The following ZFHX3 variants were observed in gnomAD, a reference collection of about 807,000 sequenced individuals.
ZFHX3 encodes the protein zinc finger homeobox protein 3.
ZFHX3 carries 42 observed loss-of-function variants against 279.1 expected under a neutral mutation model. The observed-to-expected ratio is 0.15, with a 90% confidence interval of 0.12 to 0.19. The LOEUF is 0.19. Ranked by LOEUF, ZFHX3 falls within the 10% of genes least tolerant of loss-of-function variation. The pLI is 1.00. For missense variants in ZFHX3, 4,981 were observed against 4,754.0 expected (o/e 1.05, Z -1.40); for synonymous variants, 2,293 against 1,957.8 (o/e 1.17, Z -4.52).
intron 3 of ZFHX3, among the ~76,000 whole-genome samples, chr16:73,448,558 A>G (rs1267778721): frequency 6.6e-6 from 1 of 152,160 alleles, no homozygotes; most frequent in Admixed American, 6.5e-5. Flanking sequence ...AGGAAAAGAT[A>G]AAAAATAAGG....
chr16:73,631,923 TCTCTCACA>T (rs913297808), intron 2 of ZFHX3, among the ~76,000 whole-genome samples: 2 of 101,908 alleles, frequency 2.0e-5, no homozygotes, highest in African/African-American at 6.7e-5. Context: ...TCTCTCTCTC[TCTCTCACA>T]CACACACACA....
intron 3 of ZFHX3, among the ~76,000 whole-genome samples, chr16:72,937,363 G>C (rs1960178977): frequency 2.0e-5 from 3 of 152,228 alleles, no homozygotes; most frequent in East Asian, 1.9e-4. Flanking sequence ...AGCCAACAGA[G>C]ATAGACAAAG....
intron 5 of ZFHX3, among the ~76,000 whole-genome samples, chr16:73,238,485 T>G (rs1470894553): frequency 6.6e-6 from 1 of 152,120 alleles, no homozygotes; most frequent in African/African-American, 2.4e-5. Context: ...CTTTCCCTAT[T>G]TCTATTTTCT....
chr16:72,952,503 G>A (rs1002677398), intron 2 of ZFHX3, among the ~76,000 whole-genome samples: 1 of 152,158 alleles, frequency 6.6e-6, no homozygotes, highest in Non-Finnish European at 1.5e-5. Flanking sequence ...ACCTCCCTAG[G>A]ACAGGGGTCC....
intron 3 of ZFHX3, among the ~76,000 whole-genome samples, chr16:73,323,905 A>G (rs1237509704): frequency 1.3e-5 from 2 of 152,234 alleles, no homozygotes; most frequent in Non-Finnish European, 2.9e-5. Flanking sequence ...TGGCAAGTGA[A>G]TAAAATATCT....
chr16:73,400,261 A>G (rs990703740), intron 3 of ZFHX3: 15 of 152,238 alleles, frequency 9.9e-5, no homozygotes, highest in African/African-American at 1.9e-4. Flanking sequence ...CGCATGAACA[A>G]GGTGGCAGGT....
chr16:73,647,987 G>T (rs1282053444), intron 2 of ZFHX3, among the ~76,000 whole-genome samples: 2 of 152,120 alleles, frequency 1.3e-5, no homozygotes, highest in African/African-American at 4.8e-5. Flanking sequence ...GATCTGCTTA[G>T]AAAAATGTTA....
intron 2 of ZFHX3, among the ~76,000 whole-genome samples, chr16:73,579,204 T>A (rs959412581): frequency 6.6e-6 from 1 of 152,184 alleles, no homozygotes; most frequent in Non-Finnish European, 1.5e-5. Flanking sequence ...AGTCCACCTA[T>A]GACTTGGAAG....
At chr16:73,105,444 C>CATACACAT (rs1966290779) in intron 7 of ZFHX3, among the ~76,000 whole-genome samples, 1 of 125,512 alleles carries the variant, frequency 8.0e-6, no homozygotes, top group African/African-American at 3.0e-5. Context: ...CACACACACA[C>CATACACAT]ATATATATAT....
chr16:73,028,058 C>A (rs1473987418), intron 1 of ZFHX3, among the ~76,000 whole-genome samples: 1 of 152,146 alleles, frequency 6.6e-6, no homozygotes, highest in Non-Finnish European at 1.5e-5. Flanking sequence ...CCCAGCTGCA[C>A]CGAGACAGTG....
At chr16:73,084,171 T>C (rs1171412610) in intron 8 of ZFHX3, among the ~76,000 whole-genome samples, 4 of 152,218 alleles carry the variant, frequency 2.6e-5, no homozygotes, top group Admixed American at 2.6e-4. Context: ...TGAAAGCCTT[T>C]AAGATCTAGA....
chr16:73,641,444 C>T (rs959481405), intron 2 of ZFHX3, among the ~76,000 whole-genome samples: 1 of 151,972 alleles, frequency 6.6e-6, no homozygotes, highest in African/African-American at 2.4e-5. Context: ...CAGATCTGAC[C>T]CGATGGAAGG....
chr16:73,476,726 G>T (rs952215176), intron 2 of ZFHX3, among the ~76,000 whole-genome samples: 20 of 152,244 alleles, frequency 1.3e-4, no homozygotes, highest in African/African-American at 4.3e-4. Flanking sequence ...CTTCACCAAA[G>T]TTTGGGTGGG....
At chr16:73,836,465 C>T (rs1961147282) in intron 1 of ZFHX3, among the ~76,000 whole-genome samples, 1 of 152,126 alleles carries the variant, frequency 6.6e-6, no homozygotes, top group African/African-American at 2.4e-5. Flanking sequence ...AGATTCAGGA[C>T]TTGAGTCATT....
intron 5 of ZFHX3, among the ~76,000 whole-genome samples, chr16:73,181,203 C>T (rs964262163): frequency 1.1e-4 from 17 of 152,006 alleles, no homozygotes; most frequent in East Asian, 1.9e-4. Flanking sequence ...CTGCTTCAAG[C>T]GATTCTCCTG....
In ZFHX3 at chr16:72,795,852, T is replaced by G. The variant is rs776917649; in HGVS notation, c.6830A>C (p.Asn2277Thr). 2 of 1,614,190 alleles carry G rather than the reference T, an allele frequency of 1.2e-6. No individual in the cohort carries two copies. Among genetic ancestry groups the G allele is most frequent in the East Asian group, 4.5e-5 (2 of 44,880 alleles). The change falls in exon 9 of 10, where the codon AAT becomes ACT. Residue 2277 changes from asparagine to threonine, a missense_variant. Coordinates refer to ENST00000268489, the MANE Select transcript of ZFHX3 (RefSeq NM_006885.4). ...PKDDEFEQLS[N>T]LLNLPTRVIV... ...CACTCGGGTTGGAAGGTTCAGTAAA[T>G]TAGAGAGTTGCTCAAATTCATCATC...
At chr16:73,560,764 G>A (rs1353953662) in intron 2 of ZFHX3, among the ~76,000 whole-genome samples, 2 of 152,216 alleles carry the variant, frequency 1.3e-5, no homozygotes, top group Non-Finnish European at 2.9e-5. Flanking sequence ...GGATACAGCT[G>A]TGTTCTGGTT....
At chr16:73,120,592 C>G (rs1000904779) in intron 7 of ZFHX3, among the ~76,000 whole-genome samples, 2 of 150,460 alleles carry the variant, frequency 1.3e-5, no homozygotes, top group African/African-American at 4.9e-5. Context: ...TACCTTTCTT[C>G]ATGTGCCTTT....
chr16:73,737,568 C>T (rs2053620179), intron 1 of ZFHX3, among the ~76,000 whole-genome samples: 1 of 152,074 alleles, frequency 6.6e-6, no homozygotes, highest in African/African-American at 2.4e-5. Context: ...AAATCTTTCC[C>T]TAGAAGATGA....
Sources: allele counts gnomAD v4.1 joint callset (sites outside exome capture counted in the v4.1 genomes callset), GRCh38; gene constraint gnomAD v4.1.1; transcripts MANE v1.5; gene names NCBI Gene and HGNC (gene_info 2026-07-23, HGNC 2026-07-21).